EXOC2: variants seen among roughly 807,000 people sequenced by gnomAD.
The protein encoded by EXOC2 is SEC5-like 1.
EXOC2 carries 70 observed loss-of-function variants against 131.8 expected under a neutral mutation model. The observed-to-expected ratio is 0.53, with a 90% CI of 0.44 to 0.65. EXOC2 has a LOEUF of 0.65. EXOC2 is among the 30% of genes least tolerant of loss of function. EXOC2 has a pLI of 0.00. For synonymous variants in EXOC2, 411 were observed against 398.4 expected (o/e 1.03, Z -0.38); for missense variants, 923 against 1,108.6 (o/e 0.83, Z 2.38).
At chr6:598,995 T>C in intron 8 of EXOC2, 54 bp from the exon 9 acceptor site, 1 of 1,564,142 alleles carries the variant, frequency 6.4e-7, no homozygotes, top group Non-Finnish European at 8.7e-7. Context: ...ATGAAGACAT[T>C]TGGTTAATAT....
chr6:643,609 TAAAA>T (rs200066922), intron 1 of EXOC2, among the ~76,000 whole-genome samples: 5 of 151,274 alleles, frequency 3.3e-5, no homozygotes, highest in Middle Eastern at 3.4e-3. Flanking sequence ...TTCCACCTTT[TAAAA>T]AAAAAACTAG....
intron 11 of EXOC2, among the ~76,000 whole-genome samples, chr6:586,098 C>T (rs552443034): frequency 7.2e-5 from 11 of 152,260 alleles, no homozygotes; most frequent in Admixed American, 1.3e-4. Flanking sequence ...CAATTTCTTA[C>T]GGTAGTAATT....
At chr6:672,013 C>G (rs548530092) in intron 1 of EXOC2, among the ~76,000 whole-genome samples, 2 of 152,104 alleles carry the variant, frequency 1.3e-5, no homozygotes, top group East Asian at 3.8e-4. Flanking sequence ...GCCATTATTA[C>G]GGCAAATATT....
At chr6:522,915 C>A (rs2127526558) in intron 23 of EXOC2, among the ~76,000 whole-genome samples, 1 of 152,332 alleles carries the variant, frequency 6.6e-6, no homozygotes, top group South Asian at 2.1e-4. Flanking sequence ...CAGAGCTAAG[C>A]AGGTCAGCAC....
chr6:525,827 G>C (rs1765705449), intron 23 of EXOC2, among the ~76,000 whole-genome samples: 1 of 152,124 alleles, frequency 6.6e-6, no homozygotes, highest in South Asian at 2.1e-4. Context: ...AAGAATGAAT[G>C]CATGTCTCCT....
chr6:629,791 A>G, intron 4 of EXOC2, 44 bp downstream of exon 4: 1 of 1,603,322 alleles, frequency 6.2e-7, no homozygotes, highest in South Asian at 1.1e-5. Context: ...AAAACTTTTC[A>G]GGAACTGAAA....
At position 687,220 on chromosome 6, in the gene EXOC2, A is replaced by T. The variant is rs529001120; in HGVS notation, c.-44+5799T>A. Among the ~76,000 whole-genome samples, 3 of 113,832 alleles carry T rather than the reference A, an allele frequency of 2.6e-5. No individual in the cohort carries two copies. In the East Asian group the frequency reaches 8.6e-4, roughly 33 times the overall value. 74.7% of individuals were successfully genotyped at this position (113,832 alleles called of 152,430 possible). A position where few individuals can be genotyped will look rare whatever the true frequency, so the allele number is the denominator to read the frequency against. On this transcript the variant is annotated intron_variant, in intron 1 of 27. Transcript: ENST00000230449. ...GAGACAGGGTCTCACTCAGTCACCC[A>T]GGCTGCTGGAGTGCAGTGGTGCAAT...
chr6:559,792 T>TGACCTGAAGAAG (rs1436607000), intron 17 of EXOC2, among the ~76,000 whole-genome samples: 1 of 152,238 alleles, frequency 6.6e-6, no homozygotes, highest in Admixed American at 6.5e-5. Context: ...CCCGAGGCAC[T>TGACCTGAAGAAG]GACCTGAAGA....
At chr6:563,407 C>T (rs113536112) in intron 16 of EXOC2, among the ~76,000 whole-genome samples, 56 of 152,310 alleles carry the variant, frequency 3.7e-4, no homozygotes, top group African/African-American at 1.3e-3. Context: ...TACACAGTAT[C>T]GCCCACCAAT....
intron 6 of EXOC2, among the ~76,000 whole-genome samples, chr6:611,822 T>C (rs1760729922): frequency 6.6e-6 from 1 of 152,200 alleles, no homozygotes; most frequent in African/African-American, 2.4e-5. Context: ...CAGTTGAACA[T>C]TATAAGTTTG....
chr6:546,143 TTTTTTC>T (rs1581408714), intron 22 of EXOC2, among the ~76,000 whole-genome samples: 1 of 152,110 alleles, frequency 6.6e-6, no homozygotes, highest in East Asian at 1.9e-4. Context: ...CTTCCCAATA[TTTTTTC>T]TTTTTAAGAA....
intron 23 of EXOC2, among the ~76,000 whole-genome samples, chr6:526,744 G>A (rs2473475): frequency 0.25 from 37,583 of 151,844 alleles, 5,171 homozygotes; most frequent in African/African-American, 0.37. Context: ...CCGGCTCTTC[G>A]TGGATTTCTA....
chr6:555,388 T>G, intron 19 of EXOC2, 100 bp from the exon 20 acceptor site: 1 of 679,276 alleles, frequency 1.5e-6, no homozygotes, highest in East Asian at 2.8e-5. Flanking sequence ...TAGAATTATA[T>G]ATCTCATTAG....
chr6:686,205 G>A (rs1467058432), intron 1 of EXOC2, among the ~76,000 whole-genome samples: 3 of 151,452 alleles, frequency 2.0e-5, no homozygotes, highest in East Asian at 1.9e-4. Context: ...CTCATGATTC[G>A]CCCTCCTCGG....
intron 6 of EXOC2, among the ~76,000 whole-genome samples, chr6:613,638 A>G (rs1760828661): frequency 6.6e-6 from 1 of 152,134 alleles, no homozygotes; most frequent in African/African-American, 2.4e-5. Context: ...TTCCTTTGAT[A>G]ACCATTTGGA....
intron 27 of EXOC2, among the ~76,000 whole-genome samples, chr6:487,864 T>C (rs1337914735): frequency 2.0e-5 from 3 of 152,212 alleles, no homozygotes; most frequent in Non-Finnish European, 4.4e-5. Flanking sequence ...ATCTAAAATA[T>C]AGTCCTGACC....
In EXOC2 at chr6:621,665, C is replaced by T. The variant is rs534282526; in HGVS notation, c.423-2122G>A. Among the ~76,000 whole-genome samples the T allele has an allele frequency of 1.7e-4, 26 of 152,098 alleles. No individual in the cohort carries two copies. The East Asian group carries it at 4.1e-3, about 24-fold the overall frequency. ...CCACTTCCACCGAGACTGAGTCGAT[C>T]GTGCATCTTTTCTCACTAGCTTCAC... On this transcript the variant is annotated intron_variant, in intron 4 of 27. Coordinates refer to ENST00000230449, the MANE Select transcript of EXOC2 (RefSeq NM_018303.6).
chr6:621,691 G>A (rs1761301695), intron 4 of EXOC2, among the ~76,000 whole-genome samples: 2 of 151,836 alleles, frequency 1.3e-5, no homozygotes, highest in South Asian at 2.1e-4. Context: ...CTAGCTTCAC[G>A]AGTTAAAAGA....
At chr6:576,736 G>A (rs776976922) in intron 12 of EXOC2, 21 bp downstream of exon 12, 2 of 1,609,894 alleles carry the variant, frequency 1.2e-6, no homozygotes, top group Non-Finnish European at 1.7e-6. Flanking sequence ...AGACCCAGTG[G>A]CAGTGGAGGG....
Sources: allele counts gnomAD v4.1 joint callset (sites outside exome capture counted in the v4.1 genomes callset), GRCh38; gene constraint gnomAD v4.1.1; transcripts MANE v1.5; gene names NCBI Gene and HGNC (gene_info 2026-07-23, HGNC 2026-07-21).